Variants in SMCHD1 observed in about 807,000 individuals in gnomAD.
SMCHD1 encodes structural maintenance of chromosomes flexible hinge domain-containing protein 1.
SMCHD1 carries 78 observed loss-of-function variants against 254.7 expected under a neutral mutation model. The observed-to-expected ratio is 0.31, with a 90% CI of 0.26 to 0.37. The LOEUF (loss-of-function observed/expected upper bound fraction) is 0.37, where lower values mean the gene tolerates loss of function less well. Ranked by LOEUF, SMCHD1 falls within the 10% of genes least tolerant of loss-of-function variation. SMCHD1 has a pLI of 1.00. For synonymous variants in SMCHD1, 766 were observed against 794.9 expected (o/e 0.96, Z 0.61); for missense variants, 1,840 against 2,408.1 (o/e 0.76, Z 4.94).
chr18:2,754,953 T>C (rs1274555157), intron 34 of SMCHD1, among the ~76,000 whole-genome samples: 1 of 152,044 alleles, frequency 6.6e-6, no homozygotes, highest in Non-Finnish European at 1.5e-5. Context: ...CCTAAAACAT[T>C]TTTATTTTCT....
At chr18:2,691,290 T>C (rs1430643391) in intron 7 of SMCHD1, among the ~76,000 whole-genome samples, 1 of 152,242 alleles carries the variant, frequency 6.6e-6, no homozygotes, top group African/African-American at 2.4e-5. Flanking sequence ...ACTGTGTCTC[T>C]TGGAGCACCA....
At position 2,802,811 on chromosome 18, in the gene SMCHD1, T is replaced by TAAGA. The variant is rs2076387980; in HGVS notation, c.*260_*263dup. The stretch of plus-strand genomic sequence containing the variant: ...TGGTTGTCACTACCTTGCAAATGTG[T>TAAGA]AAGAGGAAAATGTGCTAATGTGGCA... On this transcript the variant is annotated 3_prime_UTR_variant, in exon 48 of 48. Transcript: ENST00000320876. 3 of 366,384 alleles carry TAAGA rather than the reference T, an allele frequency of 8.2e-6. No homozygotes were observed. The highest frequency in any genetic ancestry group is 1.5e-5 in the Non-Finnish European group (3 of 204,400). The allele number at this position is 366,384 out of a possible 1,614,324, so 22.7% of individuals were successfully genotyped here.
intron 1 of SMCHD1, among the ~76,000 whole-genome samples, chr18:2,657,903 C>T (rs1190295698): frequency 1.3e-5 from 2 of 151,708 alleles, no homozygotes; most frequent in Non-Finnish European, 2.9e-5. Context: ...CCACCTCAGC[C>T]TCCCAAGTAG....
intron 38 of SMCHD1, 56 bp from the exon 39 acceptor site, chr18:2,769,931 CAT>C (rs1259920577): frequency 6.5e-7 from 1 of 1,533,092 alleles, no homozygotes; most frequent in East Asian, 2.4e-5. Context: ...CACTTTATGA[CAT>C]ATTTTAGAAA....
Position 2,740,726 on chromosome 18 carries a change from G to A in SMCHD1, c.3538G>A (p.Gly1180Arg), listed in dbSNP as rs768096462. The stretch of plus-strand genomic sequence containing the variant: ...AGTTATAATAATTACAGATCAGTAC[G>A]GAAATCAGATTCAAGCATTTTCACC... ...EVVIIITDQY[G>R]NQIQAFSPSS... is the part of the protein sequence containing the mutation. Residue 1180 changes from glycine to arginine, a missense_variant, in exon 28 of 48, where the codon GGA (glycine) becomes AGA (arginine). Transcript: ENST00000320876. 24 of 1,606,900 alleles carry A rather than the reference G, an allele frequency of 1.5e-5. No homozygotes were observed. The highest frequency in any genetic ancestry group is 1.9e-5 in the Non-Finnish European group (22 of 1,174,864).
chr18:2,739,919 T>TA (rs1452439658), intron 27 of SMCHD1, among the ~76,000 whole-genome samples: 1 of 142,824 alleles, frequency 7.0e-6, no homozygotes, highest in African/African-American at 2.6e-5. Flanking sequence ...ACTGTACTCC[T>TA]AAAAAAATTC....
chr18:2,745,212 T>G (rs572301990), intron 29 of SMCHD1, among the ~76,000 whole-genome samples: 5 of 152,368 alleles, frequency 3.3e-5, no homozygotes, highest in African/African-American at 1.2e-4. Context: ...AGAGACTGGG[T>G]TTCACCATGC....
At chr18:2,793,250 A>G (rs1411877092) in intron 45 of SMCHD1, among the ~76,000 whole-genome samples, 2 of 152,204 alleles carry the variant, frequency 1.3e-5, no homozygotes, top group Non-Finnish European at 2.9e-5. Flanking sequence ...TATACTTTCC[A>G]TCCTTTTGTG....
chr18:2,781,658 T>C (rs1384573464), intron 44 of SMCHD1, among the ~76,000 whole-genome samples: 1 of 151,878 alleles, frequency 6.6e-6, no homozygotes, highest in Non-Finnish European at 1.5e-5. Context: ...GTGTTGAAAA[T>C]AAGAAAAGAA....
chr18:2,696,984 A>G (rs1598330398), intron 8 of SMCHD1, 48 bp from the exon 9 acceptor site: 1 of 863,994 alleles, frequency 1.2e-6, no homozygotes, highest in East Asian at 2.9e-5. Context: ...TACATTAACT[A>G]TAATTTTATG....
intron 2 of SMCHD1, 123 bp from the exon 3 acceptor site, chr18:2,666,747 T>A: frequency 1.4e-6 from 1 of 717,572 alleles, no homozygotes; most frequent in Non-Finnish European, 2.2e-6. Flanking sequence ...AGGTAGATGA[T>A]TGGGGGTTTT....
intron 14 of SMCHD1, 82 bp from the exon 15 acceptor site, chr18:2,706,282 G>T: frequency 1.1e-6 from 1 of 901,436 alleles, no homozygotes; most frequent in Admixed American, 2.8e-5. Context: ...TATTTCTTTG[G>T]AAGAAACAAA....
chr18:2,773,591 C>T (rs300290), intron 41 of SMCHD1, among the ~76,000 whole-genome samples: 146,682 of 152,266 alleles, frequency 0.96, 70,727 homozygotes, highest in East Asian at 1. Flanking sequence ...TCTTTTCCCT[C>T]GCTTCCTTAA....
intron 21 of SMCHD1, 117 bp from the exon 22 acceptor site, chr18:2,726,335 A>G: frequency 1.9e-6 from 1 of 523,510 alleles, no homozygotes; most frequent in Non-Finnish European, 3.3e-6. Context: ...TAAAGTTGGT[A>G]AGTAATTTCT....
Position 2,796,140 on chromosome 18 carries a change from C to G in SMCHD1, c.5878+33C>G, listed in dbSNP as rs916361455. The G allele has an allele frequency of 2.4e-5, 35 of 1,437,844 alleles. No individual in the cohort carries two copies. The Admixed American group carries it at 5.5e-4, about 23-fold the overall frequency. The allele number at this position is 1,437,844 out of a possible 1,614,324, so 89.1% of individuals were successfully genotyped here. A position where few individuals can be genotyped will look rare whatever the true frequency, so the allele number is the denominator to read the frequency against. On this transcript the variant is annotated intron_variant, in intron 46 of 47. Coordinates refer to ENST00000320876, the MANE Select transcript of SMCHD1 (RefSeq NM_015295.3). ...TTTGCTTTTTGTTAACTTCTACTTTCTTTATATGGAGATAAATATTTATGA... is the reference window on the plus strand; with the variant it reads ...TTTGCTTTTTGTTAACTTCTACTTTGTTTATATGGAGATAAATATTTATGA...
intron 13 of SMCHD1, among the ~76,000 whole-genome samples, chr18:2,704,603 GA>G (rs1171192058): frequency 1.5e-5 from 2 of 133,158 alleles, no homozygotes; most frequent in Non-Finnish European, 3.3e-5. Flanking sequence ...AAGAGGAGAG[GA>G]TTTTTTTTTT....
At position 2,775,643 on chromosome 18, in the gene SMCHD1, GT is replaced by G. The variant is rs1413019201; in HGVS notation, c.5176-86del. The G allele has an allele frequency of 2.0e-5, 22 of 1,115,408 alleles. 1 individual carries two copies. In the Admixed American group the frequency reaches 3.5e-4, roughly 18 times the overall value. The allele number at this position is 1,115,408 out of a possible 1,614,324, so 69.1% of individuals were successfully genotyped here. ...TTTTTAATTCATGTGTTTCAGAGAAGTTTTTGTTACCTAGGCTTGGGCTTTT... is the reference window on the plus strand; with the variant it reads ...TTTTTAATTCATGTGTTTCAGAGAAGTTTTGTTACCTAGGCTTGGGCTTTT... On this transcript the variant is annotated intron_variant, in intron 41 of 47. Coordinates refer to ENST00000320876, the MANE Select transcript of SMCHD1 (RefSeq NM_015295.3).
chr18:2,803,831 C>T lies in SMCHD1; in HGVS notation c.*1279C>T, dbSNP rs1236157413. ...TATCCCTTATTCAAAATGGTTGGGA[C>T]CTGAAGTGTTTTGGATTTTGGTTTT... On this transcript the variant is annotated 3_prime_UTR_variant, in exon 48 of 48. Transcript: ENST00000320876. 6.6e-6 allele frequency: 1 copy of T among 151,850 alleles called. No homozygotes were observed. The highest frequency in any genetic ancestry group is 1.5e-5 in the Non-Finnish European group (1 of 67,976). The allele number at this position is 151,850 out of a possible 1,614,324, so 9.4% of individuals were successfully genotyped here.
intron 39 of SMCHD1, among the ~76,000 whole-genome samples, chr18:2,770,768 A>C (rs7241190): frequency 1.7e-3 from 256 of 152,132 alleles, no homozygotes; most frequent in African/African-American, 4.3e-3. Context: ...TTACAGGCAC[A>C]TGCCACCACG....
Sources: allele counts gnomAD v4.1 joint callset (sites outside exome capture counted in the v4.1 genomes callset), GRCh38; gene constraint gnomAD v4.1.1; transcripts MANE v1.5; gene names NCBI Gene and HGNC (gene_info 2026-07-23, HGNC 2026-07-21).